The following RNF150 variants were observed in gnomAD, a reference collection of about 807,000 sequenced individuals.
RNF150 encodes ring finger protein 150.
Under a neutral mutation model 39.3 loss-of-function variants are expected in RNF150, and 24 were observed. The ratio of observed to expected loss-of-function variants is 0.61; its 90% CI spans 0.44 to 0.86. RNF150 has a LOEUF of 0.86. Ranked by LOEUF, RNF150 falls within the 40% of genes least tolerant of loss-of-function variation. The pLI, the probability that RNF150 is intolerant of heterozygous loss-of-function variation, is 0.00. For missense variants in RNF150, 502 were observed against 587.8 expected, an observed-to-expected ratio of 0.85 and a Z score of 1.51; for synonymous variants, 255 against 227.3, an observed-to-expected ratio of 1.12 and a Z score of -1.10.
At chr4:141,062,071 A>G (rs1737251958) in intron 1 of RNF150, among the ~76,000 whole-genome samples, 1 of 152,194 alleles carries the variant, frequency 6.6e-6, no homozygotes, top group Non-Finnish European at 1.5e-5. Context: ...TTGATTTCAT[A>G]CAGTTTGAAG....
At chr4:141,192,635 T>G (rs1728128258) in intron 1 of RNF150, among the ~76,000 whole-genome samples, 1 of 152,076 alleles carries the variant, frequency 6.6e-6, no homozygotes, top group South Asian at 2.1e-4. Context: ...GTAGGAGAGT[T>G]CTAAGGTGGA....
chr4:141,042,875 G>C (rs1736422448), intron 1 of RNF150, among the ~76,000 whole-genome samples: 1 of 151,992 alleles, frequency 6.6e-6, no homozygotes, highest in Admixed American at 6.6e-5. Flanking sequence ...GAGGTTTTAA[G>C]GTTCTTGAAC....
intron 6 of RNF150, among the ~76,000 whole-genome samples, chr4:140,895,864 T>C (rs1487445169): frequency 2.0e-5 from 3 of 152,126 alleles, no homozygotes; most frequent in Non-Finnish European, 2.9e-5. Context: ...TAAAGAATTT[T>C]TTTTCTGCGA....
At chr4:141,212,748 C>T (rs1728490742) in intron 1 of RNF150, 1 of 152,388 alleles carries the variant, frequency 6.6e-6, no homozygotes, top group Non-Finnish European at 1.5e-5. Context: ...TATAGAACTA[C>T]CTGAGACTAG....
At chr4:141,171,228 T>C (rs1456653411) in intron 1 of RNF150, among the ~76,000 whole-genome samples, 1 of 152,144 alleles carries the variant, frequency 6.6e-6, no homozygotes, top group African/African-American at 2.4e-5. Flanking sequence ...TGGTCTATGT[T>C]CCCAGTCAGT....
chr4:141,132,838 C>G lies in RNF150; in HGVS notation c.-30G>C. The G allele has an allele frequency of 6.3e-7, 1 of 1,584,156 alleles. No individual in the cohort carries two copies. Among genetic ancestry groups the G allele is most frequent in the Non-Finnish European group, 8.6e-7 (1 of 1,158,484 alleles). On this transcript the variant is annotated 5_prime_UTR_variant, in exon 1 of 7. Transcript: ENST00000515673. The surrounding 1 kb of genome is among the most constrained non-coding windows in gnomAD (Gnocchi z 4.9). ...ATCCGCCGGGGCCCCCTCCCCGCCC[C>G]CGCGCCCTCCCTCCGTCCCGTCCCT... is the stretch of plus-strand genomic sequence containing the variant.
At chr4:141,058,976 G>A (rs1737103302) in intron 1 of RNF150, among the ~76,000 whole-genome samples, 1 of 152,154 alleles carries the variant, frequency 6.6e-6, no homozygotes, top group Non-Finnish European at 1.5e-5. Flanking sequence ...CCAGTTAAGT[G>A]GTCAGTTTTA....
chr4:141,144,116 T>TG (rs1284044608), intron 1 of RNF150, among the ~76,000 whole-genome samples: 2 of 132,758 alleles, frequency 1.5e-5, no homozygotes, highest in African/African-American at 2.9e-5. Context: ...CAGAAGTTGC[T>TG]GGGGGAAAAA....
intron 1 of RNF150, among the ~76,000 whole-genome samples, chr4:140,989,356 G>A (rs897498833): frequency 1.3e-5 from 2 of 152,102 alleles, no homozygotes; most frequent in African/African-American, 4.8e-5. Context: ...CCAAAGAGAT[G>A]TCAGATGTAG....
chr4:140,980,353 T>A (rs1733815262), intron 1 of RNF150, among the ~76,000 whole-genome samples: 1 of 152,124 alleles, frequency 6.6e-6, no homozygotes, highest in Non-Finnish European at 1.5e-5. Flanking sequence ...CCCTTTAGGC[T>A]ATTTTTAACA....
rs575002800 is a variant in RNF150 at position 141,185,862 on chromosome 4, T to G, written c.-6+26932A>C. 6.9e-4 allele frequency among the ~76,000 whole-genome samples: 105 copies of G among 152,192 alleles called. 2 individuals carry two copies. The highest frequency in any genetic ancestry group is 3.0e-3 in the Admixed American group (46 of 15,284). On this transcript the variant is annotated intron_variant, in intron 1 of 7. Transcript: ENST00000420921. ...GATTTGCCATTTGTTGAACCAGCTT[T>G]GCATCCCATGGATGAAGCCAACTTG...
chr4:141,155,544 A>G (rs1228626137), intron 1 of RNF150, among the ~76,000 whole-genome samples: 4 of 152,176 alleles, frequency 2.6e-5, no homozygotes, highest in Non-Finnish European at 5.9e-5. Context: ...TTGGATAAGT[A>G]TACATATTAA....
intron 1 of RNF150, among the ~76,000 whole-genome samples, chr4:141,117,274 G>A (rs139377613): frequency 6.6e-6 from 1 of 152,072 alleles, no homozygotes; most frequent in Non-Finnish European, 1.5e-5. Context: ...ACAAAGAATT[G>A]CATTGCTACA....
At chr4:140,916,861 A>G (rs975106603) in intron 5 of RNF150, among the ~76,000 whole-genome samples, 4 of 152,394 alleles carry the variant, frequency 2.6e-5, no homozygotes, top group African/African-American at 9.6e-5. Context: ...AAACTCTACA[A>G]GCCAGAAGAG....
At chr4:141,146,292 C>T (rs1277911184) in intron 1 of RNF150, among the ~76,000 whole-genome samples, 1 of 152,200 alleles carries the variant, frequency 6.6e-6, no homozygotes, top group Non-Finnish European at 1.5e-5. Flanking sequence ...GCAGGAGAAA[C>T]ATTCCTTTTA....
At chr4:141,038,610 G>A (rs905349335) in intron 1 of RNF150, among the ~76,000 whole-genome samples, 2 of 152,030 alleles carry the variant, frequency 1.3e-5, no homozygotes, top group East Asian at 1.9e-4. Context: ...AGGATTGGTT[G>A]AGTATGGGAG....
intron 6 of RNF150, among the ~76,000 whole-genome samples, chr4:140,899,373 A>G (rs1161404441): frequency 3.9e-5 from 6 of 152,208 alleles, no homozygotes; most frequent in African/African-American, 1.4e-4. Context: ...ACTTTATCAG[A>G]AGCATTCTGA....
In RNF150 at chr4:140,868,093, C is replaced by G. The variant is rs1728783395; in HGVS notation, c.*168G>C. On this transcript the variant is annotated 3_prime_UTR_variant, in exon 7 of 7. Transcript: ENST00000515673. ...GCCATACCGATGGAGAAACTGCATC[C>G]TGATTGACAAGACTTTGGATATTGC... 8 of 563,288 alleles carry G rather than the reference C, an allele frequency of 1.4e-5. No homozygotes were observed. Among genetic ancestry groups the G allele is most frequent in the South Asian group, 2.5e-5 (1 of 39,634 alleles). The allele number at this position is 563,288 out of a possible 1,614,324, so 34.9% of individuals were successfully genotyped here. A position where few individuals can be genotyped will look rare whatever the true frequency, so the allele number is the denominator to read the frequency against.
At chr4:140,877,005 T>C (rs747521045) in intron 6 of RNF150, among the ~76,000 whole-genome samples, 11 of 152,350 alleles carry the variant, frequency 7.2e-5, no homozygotes, top group Non-Finnish European at 1.3e-4. Flanking sequence ...ATTGTTTTCA[T>C]TTGGATTTGG....
Sources: gnomAD v4.1 joint callset for allele counts (sites outside exome capture counted in the v4.1 genomes callset) on GRCh38, gnomAD v4.1.1 for gene constraint, Gnocchi (gnomAD v3.1) non-coding constraint, MANE v1.5 for transcripts, NCBI Gene and HGNC (gene_info 2026-07-23, HGNC 2026-07-21) for gene names.